ENAH: variants seen among roughly 807,000 people sequenced by gnomAD.
ENAH encodes ENAH actin regulator.
Under a neutral mutation model 78.7 loss-of-function variants are expected in ENAH, and 23 were observed. That is an observed-to-expected ratio of 0.29 (90% CI 0.21 to 0.41). The LOEUF (loss-of-function observed/expected upper bound fraction) is 0.41. Ranked by LOEUF, ENAH falls within the 10% of genes least tolerant of loss-of-function variation. ENAH has a pLI of 1.00. For synonymous variants in ENAH, 226 were observed against 241.0 expected (o/e 0.94, Z 0.58); for missense variants, 544 against 691.0 (o/e 0.79, Z 2.39).
rs144218200 is a variant in ENAH at position 225,647,674 on chromosome 1, C to T, written c.5+5012G>A. Among the ~76,000 whole-genome samples, 860 of 152,166 alleles carry T rather than the reference C, an allele frequency of 5.7e-3. 8 individuals carry two copies. The highest frequency in any genetic ancestry group is 8.5e-3 in the Non-Finnish European group (576 of 68,002). On this transcript the variant is annotated intron_variant, in intron 1 of 13. Coordinates refer to ENST00000366843, the MANE Select transcript of ENAH (RefSeq NM_018212.6). ...AATTATGTTATTAACATTTAGTATCCACCAAATACTACACTACACCCTACA... is the reference window on the plus strand; with the variant it reads ...AATTATGTTATTAACATTTAGTATCTACCAAATACTACACTACACCCTACA...
intron 11 of ENAH, among the ~76,000 whole-genome samples, chr1:225,506,825 A>C (rs1226861302): frequency 1.3e-5 from 2 of 152,192 alleles, no homozygotes; most frequent in East Asian, 3.8e-4. Context: ...CCAAATTCAG[A>C]CTTAGACTAA....
intron 1 of ENAH, among the ~76,000 whole-genome samples, chr1:225,626,957 C>T (rs1358784971): frequency 2.0e-5 from 3 of 152,092 alleles, no homozygotes; most frequent in African/African-American, 7.2e-5. Flanking sequence ...TGGTATTTCA[C>T]GACACAAGTA....
At chr1:225,600,320 T>A (rs1432927752) in intron 1 of ENAH, among the ~76,000 whole-genome samples, 1 of 151,420 alleles carries the variant, frequency 6.6e-6, no homozygotes, top group Non-Finnish European at 1.5e-5. Context: ...GTGAGCCATG[T>A]TGGTGCCATT....
intron 13 of ENAH, 152 bp from the exon 14 acceptor site, chr1:225,497,964 TAGAA>T: frequency 1.6e-6 from 1 of 619,194 alleles, no homozygotes. Flanking sequence ...TCTTTAATAT[TAGAA>T]AGATGATACT....
chr1:225,513,740 C>T (rs1302123631), intron 7 of ENAH, among the ~76,000 whole-genome samples: 1 of 151,922 alleles, frequency 6.6e-6, no homozygotes, highest in East Asian at 1.9e-4. Flanking sequence ...ACCTGTAATC[C>T]CGGCACTGTG....
At chr1:225,530,052 A>G (rs965824695) in intron 4 of ENAH, among the ~76,000 whole-genome samples, 9 of 152,180 alleles carry the variant, frequency 5.9e-5, no homozygotes, top group African/African-American at 2.2e-4. Context: ...CTGTCAGCCT[A>G]CGTACTCTGA....
intron 11 of ENAH, chr1:225,504,948 T>C (rs2096314253): frequency 6.7e-7 from 1 of 1,501,490 alleles, no homozygotes; most frequent in Non-Finnish European, 9.2e-7. Context: ...CCTGAACATG[T>C]TATTTAAAAG....
intron 1 of ENAH, chr1:225,581,345 A>G (rs1418685338): frequency 7.3e-6 from 7 of 959,242 alleles, no homozygotes; most frequent in Non-Finnish European, 7.4e-6. Context: ...AGAGTTAAAA[A>G]TATCAAGTGT....
intron 1 of ENAH, among the ~76,000 whole-genome samples, chr1:225,581,976 T>C (rs1213629631): frequency 6.6e-6 from 1 of 152,016 alleles, no homozygotes; most frequent in Non-Finnish European, 1.5e-5. Flanking sequence ...AACAACTATA[T>C]GAAATGTATG....
intron 11 of ENAH, among the ~76,000 whole-genome samples, chr1:225,505,517 A>G (rs1215871226): frequency 6.6e-6 from 1 of 152,210 alleles, no homozygotes; most frequent in Non-Finnish European, 1.5e-5. Context: ...GCAATATGCA[A>G]TATCTCATGC....
At chr1:225,522,727 T>C (rs2096479130) in intron 4 of ENAH, among the ~76,000 whole-genome samples, 1 of 152,178 alleles carries the variant, frequency 6.6e-6, no homozygotes, top group South Asian at 2.1e-4. Flanking sequence ...TCAAAAAATA[T>C]GGGCCATTTT....
chr1:225,633,310 G>A (rs1366218360), intron 1 of ENAH, among the ~76,000 whole-genome samples: 3 of 150,902 alleles, frequency 2.0e-5, no homozygotes, highest in Admixed American at 6.6e-5. Flanking sequence ...TCTGCCTCCC[G>A]AAGTGCTGGG....
Position 225,607,672 on chromosome 1 carries a change from G to C in ENAH, c.6-40258C>G, listed in dbSNP as rs2096963848. Among the ~76,000 whole-genome samples, 3 of 152,152 alleles carry C rather than the reference G, an allele frequency of 2.0e-5. No individual in the cohort carries two copies. The South Asian group carries it at 6.2e-4, about 32-fold the overall frequency. ...CTGTAAACAAAGGCATTCTGAGGGA[G>C]GTATGATGGGGATTAAATGCAAGCC... On this transcript the variant is annotated intron_variant, in intron 1 of 13. Coordinates refer to ENST00000366843, the MANE Select transcript of ENAH (RefSeq NM_018212.6).
chr1:225,585,670 T>A (rs530925142), intron 1 of ENAH, among the ~76,000 whole-genome samples: 2 of 152,056 alleles, frequency 1.3e-5, no homozygotes, highest in Non-Finnish European at 2.9e-5. Flanking sequence ...GCACCTGTAG[T>A]CCCAGCTACC....
chr1:225,523,253 T>C (rs2096483213), intron 4 of ENAH, among the ~76,000 whole-genome samples: 1 of 151,762 alleles, frequency 6.6e-6, no homozygotes, highest in Non-Finnish European at 1.5e-5. Context: ...ACCAAGTTAA[T>C]GGCTGTTTCT....
intron 1 of ENAH, among the ~76,000 whole-genome samples, chr1:225,570,170 CA>C (rs397937817): frequency 0.033 from 4,001 of 121,204 alleles, 154 homozygotes; most frequent in African/African-American, 0.11. Context: ...TGCTCCATCT[CA>C]AAAAAAAAAA....
At chr1:225,524,032 A>G (rs1373742747) in intron 4 of ENAH, among the ~76,000 whole-genome samples, 1 of 152,180 alleles carries the variant, frequency 6.6e-6, no homozygotes, top group Non-Finnish European at 1.5e-5. Flanking sequence ...ATAATTTGAA[A>G]GTTTCTGAGA....
At chr1:225,642,375 G>A (rs1411746772) in intron 1 of ENAH, among the ~76,000 whole-genome samples, 1 of 152,148 alleles carries the variant, frequency 6.6e-6, no homozygotes, top group Non-Finnish European at 1.5e-5. Flanking sequence ...GATGCAAGCT[G>A]AGGTCTGGTA....
chr1:225,519,700 C>T (rs2096452906), intron 4 of ENAH, 135 bp from the exon 5 acceptor site: 3 of 1,296,848 alleles, frequency 2.3e-6, no homozygotes, highest in Non-Finnish European at 2.1e-6. Flanking sequence ...TCTCCTCCCA[C>T]ATGAAGGCTA....
Sources: allele counts gnomAD v4.1 joint callset (sites outside exome capture counted in the v4.1 genomes callset), GRCh38; gene constraint gnomAD v4.1.1; transcripts MANE v1.5; gene names NCBI Gene and HGNC (gene_info 2026-07-23, HGNC 2026-07-21).